The following RALGDS variants were observed in gnomAD, a reference collection of about 807,000 sequenced individuals.
RALGDS encodes the protein ral guanine nucleotide exchange factor.
RALGDS carries 44 observed loss-of-function variants against 99.8 expected under a neutral mutation model. The observed-to-expected ratio is 0.44, with a 90% CI of 0.35 to 0.57. The LOEUF is 0.57. RALGDS is among the 20% of genes least tolerant of loss of function. The pLI, the probability that RALGDS is intolerant of heterozygous loss-of-function variation, is 0.01. For synonymous variants in RALGDS, 529 were observed against 505.0 expected, an observed-to-expected ratio of 1.05 and a Z score of -0.64; for missense variants, 1,022 against 1,203.1, an observed-to-expected ratio of 0.85 and a Z score of 2.23.
chr9:133,115,395 G>A (rs923967593), intron 1 of RALGDS, among the ~76,000 whole-genome samples: 1 of 152,180 alleles, frequency 6.6e-6, no homozygotes, highest in African/African-American at 2.4e-5. Context: ...GTGTGGAAAG[G>A]CTCACGGCAG....
intron 1 of RALGDS, chr9:133,129,156 C>T (rs1451554793): frequency 6.3e-7 from 1 of 1,587,444 alleles, no homozygotes. Flanking sequence ...GTGGCCGGTG[C>T]TGGCAGAGGT....
intron 8 of RALGDS, 94 bp from the exon 9 acceptor site, chr9:133,106,110 G>T: frequency 1.0e-6 from 1 of 981,346 alleles, no homozygotes; most frequent in Non-Finnish European, 1.6e-6. Flanking sequence ...AAAGACCCCA[G>T]ACTGCCTGAA....
At chr9:133,124,265 CACAGAG>C (rs1451673556), upstream of RALGDS, among the ~76,000 whole-genome samples, 5 of 151,534 alleles carry the variant, frequency 3.3e-5, no homozygotes, top group Non-Finnish European at 5.9e-5. Flanking sequence ...GACACAGACG[CACAGAG>C]ACAGACACAG....
chr9:133,109,657 C>T lies in RALGDS; in HGVS notation c.553G>A (p.Glu185Lys), dbSNP rs367807822. 7.4e-6 allele frequency: 12 copies of T among 1,613,806 alleles called. No individual in the cohort carries two copies. Among genetic ancestry groups the T allele is most frequent in the South Asian group, 4.4e-5 (4 of 91,088 alleles). The change falls in exon 4 of 18, where the codon GAG becomes AAG. Residue 185 changes from glutamate to lysine, a missense_variant. Physicochemically the swap from Glu to Lys is moderately conservative, Grantham distance 56. Coordinates refer to ENST00000372050, the MANE Select transcript of RALGDS (RefSeq NM_006266.4). ...AGTTGGTCCTGGGGTCCACCATCCT[C>T]GTCGGAATAGGGGAGGATGCAGCCG... ...RYGCILPYSD[E>K]DGGPQDQLKN...
chr9:133,140,858 A>T (rs1832509249), intron 1 of RALGDS, among the ~76,000 whole-genome samples: 1 of 151,636 alleles, frequency 6.6e-6, no homozygotes, highest in Non-Finnish European at 1.5e-5. Context: ...GGCTGCACGC[A>T]CCTTGGGCTG....
At chr9:133,122,522 C>T (rs1388973736), upstream of RALGDS, among the ~76,000 whole-genome samples, 2 of 152,222 alleles carry the variant, frequency 1.3e-5, no homozygotes, top group Non-Finnish European at 2.9e-5. Context: ...GAAACACTTC[C>T]ACTGTGACTG....
intron 16 of RALGDS, chr9:133,100,682 C>G: frequency 7.8e-7 from 1 of 1,276,120 alleles, no homozygotes; most frequent in Non-Finnish European, 1.0e-6. Context: ...TTGAGAAGCA[C>G]TTGCCCCTCC....
rs1266311275 is a variant in RALGDS at position 133,137,246 on chromosome 9, A to G, written c.18+11717T>C. Reference sequence around the variant, plus strand: ...AGACTCCGTCTCAAAACAAAACAACACAATTCACCTACCACGGGGTCCTTT... The same window carrying G: ...AGACTCCGTCTCAAAACAAAACAACGCAATTCACCTACCACGGGGTCCTTT... On this transcript the variant is annotated intron_variant, in intron 1 of 17. Transcript: ENST00000393160. 3.3e-5 allele frequency among the ~76,000 whole-genome samples: 5 copies of G among 152,352 alleles called. No individual in the cohort carries two copies. In the East Asian group the frequency reaches 9.6e-4, roughly 29 times the overall value.
intron 1 of RALGDS, among the ~76,000 whole-genome samples, chr9:133,114,084 CAGCTGG>C (rs1307311351): frequency 6.6e-6 from 1 of 152,204 alleles, no homozygotes; most frequent in Non-Finnish European, 1.5e-5. Flanking sequence ...GGCAGGCCAG[CAGCTGG>C]CCCAGCCCTG....
intron 1 of RALGDS, among the ~76,000 whole-genome samples, chr9:133,137,925 T>C (rs1564253945): frequency 6.6e-6 from 1 of 152,230 alleles, no homozygotes; most frequent in Non-Finnish European, 1.5e-5. Context: ...GAGCCCACAG[T>C]CAGGCCCCTG....
At chr9:133,125,352 C>T (rs11244005), upstream of RALGDS, among the ~76,000 whole-genome samples, 3 of 152,104 alleles carry the variant, frequency 2.0e-5, no homozygotes, top group Non-Finnish European at 4.4e-5. Context: ...CAAGAGTGGC[C>T]CTGCACCGAT....
chr9:133,107,944 CA>C, intron 6 of RALGDS, 43 bp downstream of exon 6: 2 of 1,608,900 alleles, frequency 1.2e-6, no homozygotes, highest in Non-Finnish European at 1.7e-6. Flanking sequence ...CAGATGCTGC[CA>C]GAAGGCAGGC....
In RALGDS at chr9:133,107,038, G is replaced by C. The variant is rs572505356; in HGVS notation, c.1413+47C>G. ...CCTTGGACTGCAGACCACAACCTGA[G>C]AACAGATGAAGCCAAAGTGGGGGCC... On this transcript the variant is annotated intron_variant, in intron 7 of 17. Transcript: ENST00000372050. 1.9e-5 allele frequency: 30 copies of C among 1,599,326 alleles called. No individual in the cohort carries two copies. The South Asian group carries it at 3.2e-4, about 17-fold the overall frequency.
In RALGDS at chr9:133,144,650, CGCTCACGCCCCCACACCCCCTG is replaced by C. The variant is rs1357608308; in HGVS notation, c.18+4291_18+4312del. ...GCCAAGCTGAGGAGCAGGCGGGCTC[CGCTCACGCCCCCACACCCCCTG>C]GCTGGGGGCTGGGTTCCTGCGATGT... On this transcript the variant is annotated intron_variant, in intron 1 of 17. Transcript: ENST00000393160. This position sits in a 1 kb window ranked among gnomAD's most constrained non-coding sequence, Gnocchi z 4.5. Among the ~76,000 whole-genome samples, 1 of 152,350 alleles carries C rather than the reference CGCTCACGCCCCCACACCCCCTG, an allele frequency of 6.6e-6. No homozygotes were observed. The highest frequency in any genetic ancestry group is 1.9e-4 in the East Asian group (1 of 5,172).
chr9:133,110,194 C>A (rs534687432), intron 3 of RALGDS, 102 bp downstream of exon 3: 8 of 1,223,456 alleles, frequency 6.5e-6, no homozygotes, highest in Non-Finnish European at 7.1e-6. Flanking sequence ...ATGAGCAAAG[C>A]GAGGCTCAGA....
At chr9:133,131,537 C>G (rs549216214), upstream of RALGDS, among the ~76,000 whole-genome samples, 1 of 152,184 alleles carries the variant, frequency 6.6e-6, no homozygotes, top group African/African-American at 2.4e-5. Context: ...GGACTCGGCC[C>G]CCAGTCAGAG....
Position 133,102,765 on chromosome 9 carries a change from TG to T in RALGDS, c.1913+13del, listed in dbSNP as rs1266693317. ...GCCTGCCCCCACTGTCCCCATTTGCTGCCCCGGCCTCACCTCTCAGTCTCGC... is the reference window on the plus strand; with the variant it reads ...GCCTGCCCCCACTGTCCCCATTTGCTCCCCGGCCTCACCTCTCAGTCTCGC... On this transcript the variant is annotated intron_variant, in intron 13 of 17. Transcript: ENST00000372050. The T allele has an allele frequency of 6.2e-7, 1 of 1,609,470 alleles. No individual in the cohort carries two copies. Among genetic ancestry groups the T allele is most frequent in the Non-Finnish European group, 8.5e-7 (1 of 1,179,322 alleles).
Position 133,098,239 on chromosome 9 carries a change from A to C in RALGDS, c.*348T>G. The C allele has an allele frequency of 2.3e-6, 1 of 427,444 alleles. No homozygotes were observed. The highest frequency in any genetic ancestry group is 6.7e-4 in the Middle Eastern group (1 of 1,496). The allele number at this position is 427,444 out of a possible 1,614,324, so 26.5% of individuals were successfully genotyped here. On this transcript the variant is annotated 3_prime_UTR_variant, in exon 18 of 18. Coordinates refer to ENST00000372050, the MANE Select transcript of RALGDS (RefSeq NM_006266.4). Reference sequence around the variant, plus strand: ...GGTGCTCTGGGGTGCCCATGGGCACAGGTGGCAGTGACCCACACCTGGGAA... The same window carrying C: ...GGTGCTCTGGGGTGCCCATGGGCACCGGTGGCAGTGACCCACACCTGGGAA...
intron 16 of RALGDS, chr9:133,101,096 C>T (rs1830733598): frequency 1.1e-5 from 12 of 1,128,040 alleles, no homozygotes; most frequent in Non-Finnish European, 1.3e-5. Flanking sequence ...TGGCCCCTTC[C>T]AGGGCTCCCA....
Sources: gnomAD v4.1 joint callset for allele counts (sites outside exome capture counted in the v4.1 genomes callset) on GRCh38, gnomAD v4.1.1 for gene constraint, Gnocchi (gnomAD v3.1) non-coding constraint, MANE v1.5 for transcripts, NCBI Gene and HGNC (gene_info 2026-07-23, HGNC 2026-07-21) for gene names.